The following MMP2 variants were observed in gnomAD, a reference collection of about 807,000 sequenced individuals.
The protein encoded by MMP2 is 72 kDa type IV collagenase.
Under a neutral mutation model 74.8 loss-of-function variants are expected in MMP2, and 39 were observed. The observed-to-expected ratio is 0.52, with a 90% CI of 0.40 to 0.68. MMP2 has a LOEUF of 0.68. MMP2 is among the 30% of genes least tolerant of loss of function. The probability of loss-of-function intolerance (pLI) is 0.00; values close to 1 mark genes in which losing one functional copy is unlikely to be tolerated. For synonymous variants in MMP2, 367 were observed against 339.8 expected, an observed-to-expected ratio of 1.08 and a Z score of -0.88; for missense variants, 803 against 878.3, an observed-to-expected ratio of 0.91 and a Z score of 1.08.
In MMP2 at chr16:55,502,929, G is replaced by A. The variant is rs17860008; in HGVS notation, c.1879+41G>A. The A allele has an allele frequency of 6.2e-3, 9,433 of 1,517,296 alleles. 249 individuals carry two copies. In the African/African-American group the frequency reaches 0.079, roughly 13 times the overall value. The allele number at this position is 1,517,296 out of a possible 1,614,324, so 94.0% of individuals were successfully genotyped here. ...CTGTCTCCGCTTTCTAGGACTCCCC[G>A]CCCCTAGCCAGGGCCCAGCTCCTTG... is the stretch of plus-strand genomic sequence containing the variant. On this transcript the variant is annotated intron_variant, in intron 12 of 12. Transcript: ENST00000219070.
In MMP2 at chr16:55,484,954, A is replaced by G. The variant is rs1007473825; in HGVS notation, c.530-345A>G. 2.0e-5 allele frequency among the ~76,000 whole-genome samples: 3 copies of G among 152,136 alleles called. No homozygotes were observed. In the South Asian group the frequency reaches 6.2e-4, roughly 32 times the overall value. Reference sequence around the variant, plus strand: ...GAGGGCAGTATTGACAGGATGGAGGATGGCATAGACACTGGGGATGATGAA... The same window carrying G: ...GAGGGCAGTATTGACAGGATGGAGGGTGGCATAGACACTGGGGATGATGAA... On this transcript the variant is annotated intron_variant, in intron 3 of 12. Coordinates refer to ENST00000219070, the MANE Select transcript of MMP2 (RefSeq NM_004530.6).
Position 55,505,331 on chromosome 16 carries a change from T to C in MMP2, c.1880-8T>C. On this transcript the variant is annotated splice_polypyrimidine_tract_variant and splice_region_variant and intron_variant, in intron 12 of 12. Transcript: ENST00000219070. Reference sequence around the variant, plus strand: ...AGGGGGTCACGGTCTCTTCTTTCTCTATCCCAGGTCACAGCTACTTCTTCA... The same window carrying C: ...AGGGGGTCACGGTCTCTTCTTTCTCCATCCCAGGTCACAGCTACTTCTTCA... 6.2e-7 allele frequency: 1 copy of C among 1,611,908 alleles called. No homozygotes were observed. Among genetic ancestry groups the C allele is most frequent in the Non-Finnish European group, 8.5e-7 (1 of 1,178,006 alleles).
At chr16:55,501,574 G>C (rs1962667321) in intron 11 of MMP2, among the ~76,000 whole-genome samples, 2 of 152,208 alleles carry the variant, frequency 1.3e-5, no homozygotes, top group African/African-American at 2.4e-5. Context: ...AGGGCATGAG[G>C]AAGCATGCCA....
chr16:55,479,189 C>T, upstream of MMP2: 1 of 232,164 alleles, frequency 4.3e-6, no homozygotes. Flanking sequence ...GCTGCCCTCC[C>T]TTGTTTCCGC....
chr16:55,506,513 C>T lies in MMP2; in HGVS notation c.*1071C>T, dbSNP rs1163094534. 6.6e-6 allele frequency: 1 copy of T among 152,196 alleles called. No homozygotes were observed. The highest frequency in any genetic ancestry group is 1.5e-5 in the Non-Finnish European group (1 of 68,042). 9.4% of individuals were successfully genotyped at this position (152,196 alleles called of 1,614,324 possible). A position where few individuals can be genotyped will look rare whatever the true frequency, so the allele number is the denominator to read the frequency against. On this transcript the variant is annotated 3_prime_UTR_variant, in exon 13 of 13. Coordinates refer to ENST00000219070, the MANE Select transcript of MMP2 (RefSeq NM_004530.6). ...TGCTTCCTCTTTAAGTCTGTTTCTTCATTAGCAATCATATCAGTTTTAATG... is the reference window on the plus strand; with the variant it reads ...TGCTTCCTCTTTAAGTCTGTTTCTTTATTAGCAATCATATCAGTTTTAATG...
chr16:55,498,969 A>G (rs1962598852), intron 11 of MMP2, among the ~76,000 whole-genome samples: 2 of 152,128 alleles, frequency 1.3e-5, no homozygotes, highest in Admixed American at 6.5e-5. Context: ...GGAGTTCCAG[A>G]TCAGCCTGGC....
intron 3 of MMP2, 73 bp from the exon 4 acceptor site, chr16:55,485,226 T>C: frequency 2.5e-6 from 4 of 1,595,638 alleles, no homozygotes; most frequent in Middle Eastern, 1.7e-4. Flanking sequence ...AGGCTCCACA[T>C]GTAGATGGGG....
At chr16:55,488,486 C>A in intron 5 of MMP2, 57 bp from the exon 6 acceptor site, 1 of 1,562,828 alleles carries the variant, frequency 6.4e-7, no homozygotes, top group African/African-American at 1.4e-5. Context: ...GCCAGCCAGC[C>A]CTGTGCCCAT....
chr16:55,478,970 G>C (rs1032595737), upstream of MMP2: 1 of 152,576 alleles, frequency 6.6e-6, no homozygotes, highest in Non-Finnish European at 1.5e-5. Context: ...AGAGAGGCAA[G>C]TGGGGTGACG....
At position 55,488,382 on chromosome 16, in the gene MMP2, G is replaced by A. The variant is rs1962310124; in HGVS notation, c.833-161G>A. 4 of 715,086 alleles carry A rather than the reference G, an allele frequency of 5.6e-6. No homozygotes were observed. In the South Asian group the frequency reaches 6.8e-5, roughly 12 times the overall value. The allele number at this position is 715,086 out of a possible 1,614,324, so 44.3% of individuals were successfully genotyped here. A position where few individuals can be genotyped will look rare whatever the true frequency, so the allele number is the denominator to read the frequency against. ...AGGGAAGCAGGGGTTCTCTCTGGGA[G>A]CTCAGAGAAGCAGCTCCTTACCAAC... is the stretch of plus-strand genomic sequence containing the variant. On this transcript the variant is annotated intron_variant, in intron 5 of 12. Coordinates refer to ENST00000219070, the MANE Select transcript of MMP2 (RefSeq NM_004530.6).
At chr16:55,479,176 G>C (rs1338508153), upstream of MMP2, 1 of 215,504 alleles carries the variant, frequency 4.6e-6, no homozygotes, top group Admixed American at 5.9e-5. Context: ...GCTACATCTG[G>C]CGGCTGCCCT....
chr16:55,494,076 A>T (rs1962478981), intron 9 of MMP2, among the ~76,000 whole-genome samples: 1 of 152,112 alleles, frequency 6.6e-6, no homozygotes. Flanking sequence ...ATATCTTTCC[A>T]TCCATCATCC....
intron 12 of MMP2, among the ~76,000 whole-genome samples, chr16:55,504,676 A>G (rs1379383695): frequency 2.8e-5 from 4 of 143,218 alleles, no homozygotes; most frequent in African/African-American, 1.0e-4. Flanking sequence ...TTTTTGAGAC[A>G]GAGTCTCCCT....
chr16:55,498,720 T>G (rs1416746528), intron 11 of MMP2, among the ~76,000 whole-genome samples: 1 of 152,186 alleles, frequency 6.6e-6, no homozygotes, highest in Non-Finnish European at 1.5e-5. Flanking sequence ...GACCCTCACA[T>G]TTTGAAATGA....
chr16:55,479,912 GC>G (rs1335177684), intron 1 of MMP2: 1 of 400,466 alleles, frequency 2.5e-6, no homozygotes, highest in African/African-American at 2.2e-5. Flanking sequence ...GGGTGACCTG[GC>G]AAACTACTGG....
chr16:55,486,333 G>C lies in MMP2; in HGVS notation c.832+556G>C, dbSNP rs569320348. Among the ~76,000 whole-genome samples the C allele has an allele frequency of 1.2e-3, 162 of 132,068 alleles. 1 individual carries two copies. Among genetic ancestry groups the C allele is most frequent in the Non-Finnish European group, 2.2e-3 (134 of 62,088 alleles). The allele number at this position is 132,068 out of a possible 152,430, so 86.6% of individuals were successfully genotyped here. A position where few individuals can be genotyped will look rare whatever the true frequency, so the allele number is the denominator to read the frequency against. On this transcript the variant is annotated intron_variant, in intron 5 of 12. Coordinates refer to ENST00000219070, the MANE Select transcript of MMP2 (RefSeq NM_004530.6). ...TGCCTCTGCTAATGCGTGTGTGTGT[G>C]TGTGTGTGTGTGCCTGTGTGTGTGT...
chr16:55,484,733 T>C (rs1962198281), intron 3 of MMP2, among the ~76,000 whole-genome samples: 1 of 152,198 alleles, frequency 6.6e-6, no homozygotes, highest in South Asian at 2.1e-4. Context: ...TGTGAGTTTA[T>C]GGTGTGAACA....
Position 55,489,652 on chromosome 16 carries a change from C to T in MMP2, c.1008C>T (p.Ala336=). The T allele has an allele frequency of 6.2e-7, 1 of 1,614,164 alleles. No individual in the cohort carries two copies. Among genetic ancestry groups the T allele is most frequent in the Non-Finnish European group, 8.5e-7 (1 of 1,180,036 alleles). Residue 336 remains alanine (A), a splice_region_variant and synonymous_variant, in exon 7 of 13, where the codon GCC becomes GCT. Transcript: ENST00000219070. ...TGACCCGTATCCCTAACCCCACAGC[C>T]ATGTCCACTGTTGGTGGGAACTCAG... ...DKKYGFCPET[A]MSTVGGNSEG...
chr16:55,504,807 C>T (rs1440962280), intron 12 of MMP2, among the ~76,000 whole-genome samples: 2 of 152,022 alleles, frequency 1.3e-5, no homozygotes, highest in African/African-American at 2.4e-5. Context: ...CGCCTACCAC[C>T]ACGCCCGGCT....
Sources: allele counts gnomAD v4.1 joint callset (sites outside exome capture counted in the v4.1 genomes callset), GRCh38; gene constraint gnomAD v4.1.1; transcripts MANE v1.5; gene names NCBI Gene and HGNC (gene_info 2026-07-23, HGNC 2026-07-21).